The following KCNMB3 variants were observed in gnomAD, a reference collection of about 807,000 sequenced individuals.
The protein encoded by KCNMB3 is calcium-activated potassium channel subunit beta-3.
A neutral mutation model predicts 11.9 loss-of-function variants in KCNMB3; 18 were observed. The observed-to-expected ratio is 1.51, with a 90% CI of 1.04 to 2.23. The LOEUF is 2.23. Among genes scored for constraint, KCNMB3 ranks in the 30% most tolerant of loss-of-function variants. The pLI, the probability that KCNMB3 is intolerant of heterozygous loss-of-function variation, is 0.00. For synonymous variants in KCNMB3, 78 were observed against 119.2 expected, an observed-to-expected ratio of 0.65 and a Z score of 2.25; for missense variants, 247 against 329.4, an observed-to-expected ratio of 0.75 and a Z score of 1.94.
At chr3:179,256,870 T>C (rs527434547) in intron 1 of KCNMB3, among the ~76,000 whole-genome samples, 25 of 152,164 alleles carry the variant, frequency 1.6e-4, no homozygotes, top group Non-Finnish European at 2.2e-4. Context: ...AGTTAAAAGA[T>C]AGAGAGTAGG....
intron 1 of KCNMB3, chr3:179,259,685 G>A (rs1027031142): frequency 2.5e-6 from 4 of 1,602,228 alleles, no homozygotes; most frequent in Non-Finnish European, 2.5e-6. Context: ...CATCTTTAAG[G>A]GTTTCTATGG....
chr3:179,259,601 G>C, intron 1 of KCNMB3: 2 of 1,608,408 alleles, frequency 1.2e-6, no homozygotes, highest in Middle Eastern at 1.9e-4. Flanking sequence ...CTGACTTTCT[G>C]TCAGTAGACT....
chr3:179,245,928 T>G lies in KCNMB3; in HGVS notation c.249-1235A>C, dbSNP rs181952456. Among the ~76,000 whole-genome samples the G allele has an allele frequency of 5.8e-3, 888 of 152,306 alleles. 3 individuals are homozygous for G. Among genetic ancestry groups the G allele is most frequent in the Non-Finnish European group, 8.0e-3 (543 of 68,024 alleles). ...GGTGATGTTGAAGAGAAAGGACATG[T>G]GTATATGTATGAAATAATTTGAAAA... On this transcript the variant is annotated intron_variant, in intron 1 of 2. Coordinates refer to ENST00000392685, the MANE Select transcript of KCNMB3 (RefSeq NM_171830.2).
At chr3:179,240,404 A>AATGT (rs1725424305), downstream of KCNMB3, 1 of 185,600 alleles carries the variant, frequency 5.4e-6, no homozygotes. Flanking sequence ...TATATGTATG[A>AATGT]ATGTATGTAT....
chr3:179,266,542 A>G, intron 1 of KCNMB3: 1 of 1,326,118 alleles, frequency 7.5e-7, no homozygotes, highest in Middle Eastern at 1.9e-4. Flanking sequence ...GGGCATCCTC[A>G]GAGAAAAAGG....
At chr3:179,249,385 G>A (rs1725756440) in intron 1 of KCNMB3, among the ~76,000 whole-genome samples, 1 of 150,682 alleles carries the variant, frequency 6.6e-6, no homozygotes, top group Non-Finnish European at 1.5e-5. Flanking sequence ...TCATGGCCAG[G>A]CATGGTGGCT....
chr3:179,256,919 T>C (rs574979760), intron 1 of KCNMB3, among the ~76,000 whole-genome samples: 2 of 152,296 alleles, frequency 1.3e-5, no homozygotes, highest in African/African-American at 4.8e-5. Context: ...CCCAACACTT[T>C]GGGAAACCAA....
chr3:179,257,335 T>C (rs1726043560), intron 1 of KCNMB3, among the ~76,000 whole-genome samples: 1 of 152,260 alleles, frequency 6.6e-6, no homozygotes, highest in Non-Finnish European at 1.5e-5. Flanking sequence ...GGATTTGGTC[T>C]TTTTGCATTC....
intron 1 of KCNMB3, among the ~76,000 whole-genome samples, chr3:179,262,168 C>G (rs1353718945): frequency 6.6e-6 from 1 of 152,104 alleles, no homozygotes; most frequent in Non-Finnish European, 1.5e-5. Flanking sequence ...CTGAACAAAC[C>G]AGTAGGGTAA....
At chr3:179,258,373 T>C (rs1417927891) in intron 1 of KCNMB3, among the ~76,000 whole-genome samples, 1 of 152,182 alleles carries the variant, frequency 6.6e-6, no homozygotes, top group Non-Finnish European at 1.5e-5. Flanking sequence ...AAAGCATTGG[T>C]TCAAAATCAA....
At chr3:179,265,031 T>G (rs1468922) in intron 1 of KCNMB3, among the ~76,000 whole-genome samples, 62,338 of 152,026 alleles carry the variant, frequency 0.41, 15,269 homozygotes, top group African/African-American at 0.69. Flanking sequence ...GATACAGTAG[T>G]TTGCTTTGAT....
In KCNMB3 at chr3:179,258,148, C is replaced by T. The variant is rs377517322; in HGVS notation, c.63-7214G>A. On this transcript the variant is annotated intron_variant, in intron 1 of 3. Coordinates refer to the KCNMB3 transcript ENST00000349697. ...TGATCCACCCGCCTTGGCCTCCCAA[C>T]GTGCTGAGATTACAGGCGTGAGCCA... Among the ~76,000 whole-genome samples the T allele has an allele frequency of 1.6e-4, 24 of 152,152 alleles. No homozygotes were observed. In the East Asian group the frequency reaches 1.9e-3, roughly 12 times the overall value.
chr3:179,245,735 G>A (rs933771689), intron 1 of KCNMB3, among the ~76,000 whole-genome samples: 2 of 152,216 alleles, frequency 1.3e-5, no homozygotes, highest in South Asian at 4.1e-4. Flanking sequence ...TCCTGACCTC[G>A]TCATCCTCCC....
At chr3:179,262,187 A>G (rs1042363327) in intron 1 of KCNMB3, among the ~76,000 whole-genome samples, 1 of 152,250 alleles carries the variant, frequency 6.6e-6, no homozygotes, top group African/African-American at 2.4e-5. Flanking sequence ...AATAGATTTA[A>G]GTAAAGCAAT....
chr3:179,249,628 G>A (rs1218916278), intron 1 of KCNMB3, among the ~76,000 whole-genome samples: 1 of 152,102 alleles, frequency 6.6e-6, no homozygotes, highest in East Asian at 1.9e-4. Context: ...AGCCAAGATC[G>A]TGCCACTGCA....
At chr3:179,260,418 G>A in intron 1 of KCNMB3, 1 of 1,613,908 alleles carries the variant, frequency 6.2e-7, no homozygotes, top group Non-Finnish European at 8.5e-7. Flanking sequence ...ATTCTCACCA[G>A]CAGTGAATAC....
At chr3:179,243,981 CAT>C (rs1187626630) in intron 2 of KCNMB3, among the ~76,000 whole-genome samples, 27 of 152,270 alleles carry the variant, frequency 1.8e-4, no homozygotes, top group African/African-American at 6.0e-4. Context: ...TAAAATGTAA[CAT>C]GTCAACTAAT....
At chr3:179,243,583 C>T (rs1725535844) in intron 2 of KCNMB3, among the ~76,000 whole-genome samples, 1 of 152,206 alleles carries the variant, frequency 6.6e-6, no homozygotes, top group South Asian at 2.1e-4. Flanking sequence ...GGTTCTTGGA[C>T]TCTTGGACAG....
At chr3:179,252,825 G>A (rs978665816), upstream of KCNMB3, among the ~76,000 whole-genome samples, 2 of 149,676 alleles carry the variant, frequency 1.3e-5, no homozygotes, top group Admixed American at 6.7e-5. Flanking sequence ...TCCGTCTCCC[G>A]GGTTCAAGCC....
Sources: gnomAD v4.1 joint callset for allele counts (sites outside exome capture counted in the v4.1 genomes callset) on GRCh38, gnomAD v4.1.1 for gene constraint, MANE v1.5 for transcripts, NCBI Gene and HGNC (gene_info 2026-07-23, HGNC 2026-07-21) for gene names.